TXNDC11: variants seen among roughly 807,000 people sequenced by gnomAD.
The protein encoded by TXNDC11 is thioredoxin domain containing 11.
Under a neutral mutation model 78.0 loss-of-function variants are expected in TXNDC11, and 68 were observed. That is an observed-to-expected ratio of 0.87 (90% CI 0.72 to 1.07). The LOEUF is 1.07. Ranked by LOEUF, TXNDC11 falls within the 50% of genes least tolerant of loss-of-function variation. The pLI, the probability that TXNDC11 is intolerant of heterozygous loss-of-function variation, is 0.00. For missense variants in TXNDC11, 1,389 were observed against 1,221.8 expected (o/e 1.14, Z -2.04); for synonymous variants, 571 against 495.2 (o/e 1.15, Z -2.03).
chr16:11,712,929 AACACAC>A (rs111887849), intron 5 of TXNDC11, among the ~76,000 whole-genome samples: 2,813 of 142,074 alleles, frequency 0.02, 34 homozygotes, highest in Non-Finnish European at 0.032. Flanking sequence ...TTCCACTTAA[AACACAC>A]ACACACACAC....
intron 3 of TXNDC11, 117 bp from the exon 4 acceptor site, chr16:11,730,891 G>T: frequency 1.3e-6 from 1 of 782,836 alleles, no homozygotes; most frequent in Non-Finnish European, 1.8e-6. Context: ...CTTGCTTTGG[G>T]ATCCAACCAA....
At position 11,679,555 on chromosome 16, in the gene TXNDC11, C is replaced by T. The variant is rs1246652727; in HGVS notation, c.2517G>A (p.Arg839=). 1.2e-6 allele frequency: 2 copies of T among 1,613,568 alleles called. No individual in the cohort carries two copies. Among genetic ancestry groups the T allele is most frequent in the East Asian group, 2.2e-5 (1 of 44,900 alleles). Residue 839 remains arginine (R), a synonymous_variant, in exon 12 of 12, where the codon CGG becomes CGA. Transcript: ENST00000283033. This position sits in a 1 kb window ranked among gnomAD's most constrained non-coding sequence, Gnocchi z 4.6. Reference sequence around the variant, plus strand: ...GCTCTTCCAGGGCCCGCTGCTGCTGCCGCAGCCGGTGCTCATCTCTGCGGG... The same window carrying T: ...GCTCTTCCAGGGCCCGCTGCTGCTGTCGCAGCCGGTGCTCATCTCTGCGGG... ...SSARRDEHRL[R]QQQRALEEQH...
At chr16:11,728,111 T>A (rs190813822) in intron 4 of TXNDC11, among the ~76,000 whole-genome samples, 222 of 152,308 alleles carry the variant, frequency 1.5e-3, no homozygotes, top group African/African-American at 5.0e-3. Flanking sequence ...TGTGTTCTAC[T>A]CCAGGGACTC....
At chr16:11,708,019 G>A (rs138295467) in intron 5 of TXNDC11, among the ~76,000 whole-genome samples, 1 of 152,112 alleles carries the variant, frequency 6.6e-6, no homozygotes, top group African/African-American at 2.4e-5. Context: ...AGGAGGTCAA[G>A]GCCGCAGTGA....
chr16:11,735,906 G>T, intron 2 of TXNDC11, 111 bp downstream of exon 2: 1 of 965,576 alleles, frequency 1.0e-6, no homozygotes, highest in Non-Finnish European at 1.6e-6. Flanking sequence ...ACGACTCCTG[G>T]AGTTCACCTT....
At chr16:11,721,787 A>AT (rs1567337494) in intron 4 of TXNDC11, 117 bp from the exon 5 acceptor site, 1 of 566,036 alleles carries the variant, frequency 1.8e-6, no homozygotes, top group South Asian at 2.0e-5. Context: ...GTTGCCTTTC[A>AT]TTTTTTCAAA....
intron 9 of TXNDC11, 150 bp downstream of exon 9, chr16:11,688,153 C>G: frequency 1.0e-6 from 1 of 976,810 alleles, no homozygotes; most frequent in South Asian, 1.6e-5. Context: ...AATTTAAAAA[C>G]CACATGTAAT....
At chr16:11,693,475 CTGTG>C (rs2050776045) in intron 7 of TXNDC11, among the ~76,000 whole-genome samples, 2 of 151,942 alleles carry the variant, frequency 1.3e-5, no homozygotes, top group South Asian at 4.2e-4. Context: ...GTGTGTGTGT[CTGTG>C]TGTCTGCATG....
chr16:11,731,780 G>A (rs1315280495), intron 3 of TXNDC11, among the ~76,000 whole-genome samples: 2 of 151,862 alleles, frequency 1.3e-5, no homozygotes, highest in African/African-American at 4.8e-5. Flanking sequence ...ATATTAGCAT[G>A]AAAAAAAGTG....
At chr16:11,722,588 C>T (rs994316628) in intron 4 of TXNDC11, among the ~76,000 whole-genome samples, 7 of 152,122 alleles carry the variant, frequency 4.6e-5, no homozygotes, top group African/African-American at 7.2e-5. Context: ...TGAACAGCCT[C>T]GGGAGAACCC....
In TXNDC11 at chr16:11,742,503, C is replaced by G. The variant is rs757024873; in HGVS notation, c.228G>C (p.Leu76=). ...LCGAVALGCA[L]LLALKFTCSR... is the part of the protein sequence containing the mutation. ...TGCAGGTGAACTTGAGGGCGAGGAG[C>G]AGCGCGCAGCCGAGCGCCACGGCCC... The change falls in exon 1 of 12, where the codon CTG becomes CTC. Residue 76 remains leucine (L), a synonymous_variant. Coordinates refer to ENST00000283033, the MANE Select transcript of TXNDC11 (RefSeq NM_015914.7). The G allele has an allele frequency of 6.9e-7, 1 of 1,453,744 alleles. No individual in the cohort carries two copies. Among genetic ancestry groups the G allele is most frequent in the South Asian group, 1.3e-5 (1 of 74,594 alleles). The allele number at this position is 1,453,744 out of a possible 1,614,324, so 90.1% of individuals were successfully genotyped here. A position where few individuals can be genotyped will look rare whatever the true frequency, so the allele number is the denominator to read the frequency against.
At chr16:11,718,071 G>A (rs1039362220) in intron 5 of TXNDC11, among the ~76,000 whole-genome samples, 1 of 152,132 alleles carries the variant, frequency 6.6e-6, no homozygotes, top group Non-Finnish European at 1.5e-5. Flanking sequence ...TAAGTGGGGG[G>A]TAAAGGACCA....
intron 7 of TXNDC11, among the ~76,000 whole-genome samples, chr16:11,697,144 T>C (rs1472765721): frequency 1.3e-5 from 2 of 152,232 alleles, no homozygotes; most frequent in African/African-American, 4.8e-5. Context: ...TCTCTCCTCT[T>C]TCTTCCTCTA....
chr16:11,735,495 A>G (rs1299400034), intron 2 of TXNDC11, among the ~76,000 whole-genome samples: 2 of 152,112 alleles, frequency 1.3e-5, no homozygotes, highest in Admixed American at 1.3e-4. Flanking sequence ...CTTATTTTCT[A>G]AAGCACAACT....
chr16:11,691,401 G>A lies in TXNDC11; in HGVS notation c.1789C>T (p.Leu597=). 6.2e-7 allele frequency: 1 copy of A among 1,614,208 alleles called. No individual in the cohort carries two copies. Among genetic ancestry groups the A allele is most frequent in the Non-Finnish European group, 8.5e-7 (1 of 1,180,014 alleles). Residue 597 remains leucine (L), a synonymous_variant, in exon 8 of 12, where the codon CTG becomes TTG. Coordinates refer to ENST00000283033, the MANE Select transcript of TXNDC11 (RefSeq NM_015914.7). ...SNLFWLYAER[L]GAPSSTQVKE... ...ACCTGAGTGGAGCTCGGAGCACCCAGTCTCTCTGCATATAACCAAAACAAA... is the reference window on the plus strand; with the variant it reads ...ACCTGAGTGGAGCTCGGAGCACCCAATCTCTCTGCATATAACCAAAACAAA...
intron 7 of TXNDC11, among the ~76,000 whole-genome samples, chr16:11,693,913 A>G (rs891982306): frequency 1.3e-5 from 2 of 152,198 alleles, no homozygotes; most frequent in South Asian, 4.1e-4. Flanking sequence ...AAAAACCTCC[A>G]TAAGACTTCA....
At chr16:11,737,425 A>C (rs2052256782) in intron 1 of TXNDC11, among the ~76,000 whole-genome samples, 1 of 151,588 alleles carries the variant, frequency 6.6e-6, no homozygotes, top group Admixed American at 6.6e-5. Flanking sequence ...AGCCTAGGTG[A>C]CTAGAACAAA....
At chr16:11,722,647 C>G (rs2051744023) in intron 4 of TXNDC11, among the ~76,000 whole-genome samples, 1 of 152,130 alleles carries the variant, frequency 6.6e-6, no homozygotes, top group East Asian at 1.9e-4. Context: ...AACAATTCTT[C>G]ACAGGGTTAG....
At position 11,702,092 on chromosome 16, in the gene TXNDC11, GTATA is replaced by G. The variant is rs35673646; in HGVS notation, c.794-1532_794-1529del. ...TGTGTGTGTGTGTATGTATGTATGTGTATATATATATATATATATATGTTTTTTC... is the reference window on the plus strand; with the variant it reads ...TGTGTGTGTGTGTATGTATGTATGTGTATATATATATATATATGTTTTTTC... On this transcript the variant is annotated intron_variant, in intron 5 of 11. Transcript: ENST00000283033. Among the ~76,000 whole-genome samples the G allele has an allele frequency of 5.0e-3, 722 of 144,338 alleles. 10 individuals are homozygous for G. Among genetic ancestry groups the G allele is most frequent in the African/African-American group, 0.018 (694 of 39,214 alleles). The allele number at this position is 144,338 out of a possible 152,430, so 94.7% of individuals were successfully genotyped here. A position where few individuals can be genotyped will look rare whatever the true frequency, so the allele number is the denominator to read the frequency against.
Sources: gnomAD v4.1 joint callset for allele counts (sites outside exome capture counted in the v4.1 genomes callset) on GRCh38, gnomAD v4.1.1 for gene constraint, Gnocchi (gnomAD v3.1) non-coding constraint, MANE v1.5 for transcripts, NCBI Gene and HGNC (gene_info 2026-07-23, HGNC 2026-07-21) for gene names.